Variants in MCF2L2 observed in about 807,000 individuals in gnomAD.
The protein encoded by MCF2L2 is probable guanine nucleotide exchange factor MCF2L2.
A neutral mutation model predicts 150.2 loss-of-function variants in MCF2L2; 102 were observed. That is an observed-to-expected ratio of 0.68 (90% CI 0.58 to 0.80). The LOEUF is 0.80. MCF2L2 is among the 30% of genes least tolerant of loss of function. The pLI, the probability that MCF2L2 is intolerant of heterozygous loss-of-function variation, is 0.00. For synonymous variants in MCF2L2, 465 were observed against 491.3 expected (o/e 0.95, Z 0.71); for missense variants, 1,256 against 1,372.8 (o/e 0.91, Z 1.34).
Position 183,268,753 on chromosome 3 carries a change from G to A in MCF2L2, c.1862+8119C>T, listed in dbSNP as rs764441668. 2.2e-4 allele frequency among the ~76,000 whole-genome samples: 33 copies of A among 152,112 alleles called. 1 individual carries two copies. The highest frequency in any genetic ancestry group is 1.2e-4 in the Non-Finnish European group (8 of 68,020). Reference sequence around the variant, plus strand: ...TTACCCCAATTTGTCAAATTTCTGCGCATGATATGGTACAAGAAACCGTAA... The same window carrying A: ...TTACCCCAATTTGTCAAATTTCTGCACATGATATGGTACAAGAAACCGTAA... On this transcript the variant is annotated intron_variant, in intron 15 of 29. Coordinates refer to ENST00000328913, the MANE Select transcript of MCF2L2 (RefSeq NM_015078.4).
rs114432512 is a variant in MCF2L2, at chr3:183,220,005, C to T, written c.2302-81G>A. On this transcript the variant is annotated intron_variant, in intron 20 of 29. Transcript: ENST00000328913. ...TAGATTGTCAACAAAATCTACTGTG[C>T]AAACTATCTGCCACCAATGCTAAGC... 3,848 of 973,328 alleles carry T rather than the reference C, an allele frequency of 4.0e-3. 100 individuals are homozygous for T. The African/African-American group carries it at 0.055, about 14-fold the overall frequency. The allele number at this position is 973,328 out of a possible 1,614,324, so 60.3% of individuals were successfully genotyped here. A position where few individuals can be genotyped will look rare whatever the true frequency, so the allele number is the denominator to read the frequency against.
chr3:183,353,464 TAA>T (rs1352568100), intron 3 of MCF2L2, among the ~76,000 whole-genome samples: 3 of 152,180 alleles, frequency 2.0e-5, no homozygotes, highest in Non-Finnish European at 4.4e-5. Context: ...ATTTATTTTT[TAA>T]AAAGAGTTTT....
chr3:183,428,313 C>G lies in MCF2L2; in HGVS notation c.-336G>C, dbSNP rs1716278460. On this transcript the variant is annotated 5_prime_UTR_variant, in exon 1 of 30. Transcript: ENST00000328913. This position sits in a 1 kb window ranked among gnomAD's most constrained non-coding sequence, Gnocchi z 5.1. ...GGGCGAGCTCCGGGGCTTCCAGAATCGCGGTCCCGGCCGCCAGGTTTCCGG... is the reference window on the plus strand; with the variant it reads ...GGGCGAGCTCCGGGGCTTCCAGAATGGCGGTCCCGGCCGCCAGGTTTCCGG... 1 of 297,682 alleles carries G rather than the reference C, an allele frequency of 3.4e-6. No homozygotes were observed. Among genetic ancestry groups the G allele is most frequent in the South Asian group, 3.7e-5 (1 of 26,720 alleles). 18.4% of individuals were successfully genotyped at this position (297,682 alleles called of 1,614,324 possible).
At chr3:183,215,205 C>G (rs1253061454) in intron 22 of MCF2L2, among the ~76,000 whole-genome samples, 1 of 152,034 alleles carries the variant, frequency 6.6e-6, no homozygotes, top group Admixed American at 6.6e-5. Context: ...CTTGGAACTT[C>G]AAAATAATAA....
chr3:183,408,395 T>C (rs1715151085), intron 1 of MCF2L2, among the ~76,000 whole-genome samples: 1 of 152,218 alleles, frequency 6.6e-6, no homozygotes, highest in South Asian at 2.1e-4. Flanking sequence ...AGGACATTCC[T>C]TCATTCCTCC....
chr3:183,331,851 A>G (rs906274632), intron 5 of MCF2L2, among the ~76,000 whole-genome samples: 5 of 152,174 alleles, frequency 3.3e-5, no homozygotes. Context: ...AGCAAGACAC[A>G]GTTTCAAACA....
intron 10 of MCF2L2, among the ~76,000 whole-genome samples, chr3:183,303,931 C>T (rs922456330): frequency 6.6e-6 from 1 of 152,124 alleles, no homozygotes; most frequent in Non-Finnish European, 1.5e-5. Context: ...TCCTCTTCCA[C>T]TTCCTCAACT....
chr3:183,311,912 C>G, intron 7 of MCF2L2, 140 bp from the exon 8 acceptor site: 1 of 697,900 alleles, frequency 1.4e-6, no homozygotes, highest in Non-Finnish European at 2.3e-6. Flanking sequence ...CAGCTTTAAT[C>G]AATTAACTTA....
intron 15 of MCF2L2, among the ~76,000 whole-genome samples, chr3:183,244,211 A>G (rs1473178390): frequency 6.6e-6 from 1 of 152,074 alleles, no homozygotes; most frequent in Non-Finnish European, 1.5e-5. Context: ...TGATTAAAAA[A>G]AAAAAACAGG....
At chr3:183,311,847 TAGTAGATC>T in intron 7 of MCF2L2, 75 bp from the exon 8 acceptor site, 4 of 1,328,536 alleles carry the variant, frequency 3.0e-6, no homozygotes, top group Non-Finnish European at 4.1e-6. Context: ...GTGAAGAGAA[TAGTAGATC>T]AGTACATTTT....
At chr3:183,189,521 T>G (rs557775303) in intron 27 of MCF2L2, among the ~76,000 whole-genome samples, 60 of 152,306 alleles carry the variant, frequency 3.9e-4, no homozygotes, top group Admixed American at 8.5e-4. Flanking sequence ...TCTCACCTTC[T>G]TCCCTTCCCC....
chr3:183,244,412 G>T (rs1196231708), intron 15 of MCF2L2, among the ~76,000 whole-genome samples: 1 of 152,138 alleles, frequency 6.6e-6, no homozygotes. Context: ...TTGGGACTCA[G>T]ACTGGCTTCC....
intron 3 of MCF2L2, among the ~76,000 whole-genome samples, chr3:183,365,142 C>A (rs890822388): frequency 1.3e-5 from 2 of 152,050 alleles, no homozygotes; most frequent in African/African-American, 4.8e-5. Context: ...AATAAAAGTA[C>A]AAAACTATGT....
At chr3:183,367,963 T>C (rs1457396031) in intron 3 of MCF2L2, among the ~76,000 whole-genome samples, 5 of 152,200 alleles carry the variant, frequency 3.3e-5, no homozygotes, top group Admixed American at 1.3e-4. Flanking sequence ...ATTTGAAAAC[T>C]GCATGACATG....
intron 1 of MCF2L2, among the ~76,000 whole-genome samples, chr3:183,407,704 T>A (rs530828500): frequency 6.6e-6 from 1 of 152,230 alleles, no homozygotes; most frequent in South Asian, 2.1e-4. Flanking sequence ...AGTGGAATTT[T>A]CCTTCTCATT....
At chr3:183,228,982 G>C (rs1723452248) in intron 17 of MCF2L2, among the ~76,000 whole-genome samples, 1 of 152,090 alleles carries the variant, frequency 6.6e-6, no homozygotes, top group Admixed American at 6.5e-5. Context: ...CAACAGAAAT[G>C]GGTTTCCATT....
intron 13 of MCF2L2, among the ~76,000 whole-genome samples, chr3:183,292,679 T>C (rs1467659105): frequency 1.3e-5 from 2 of 152,036 alleles, no homozygotes; most frequent in East Asian, 1.9e-4. Context: ...TTAACATATA[T>C]AGATGTGATA....
chr3:183,234,687 C>CTTTTTTT (rs71185647), intron 15 of MCF2L2, among the ~76,000 whole-genome samples: 153 of 84,178 alleles, frequency 1.8e-3, no homozygotes, highest in African/African-American at 5.2e-3. Flanking sequence ...ATGTATGACT[C>CTTTTTTT]TTTTTTTTTT....
chr3:183,219,930 T>G lies in MCF2L2; in HGVS notation c.2302-6A>C, dbSNP rs753414586. ...GACTCGAAATCCAGCAGACCCTGCA[T>G]TAACCCAAAAGTCTTGTTGAAAATT... is the stretch of plus-strand genomic sequence containing the variant. On this transcript the variant is annotated splice_polypyrimidine_tract_variant and splice_region_variant and intron_variant, in intron 20 of 29. Transcript: ENST00000328913. The G allele has an allele frequency of 6.2e-7, 1 of 1,608,800 alleles. No individual in the cohort carries two copies. The highest frequency in any genetic ancestry group is 1.7e-5 in the Admixed American group (1 of 59,624).
Sources: allele counts gnomAD v4.1 joint callset (sites outside exome capture counted in the v4.1 genomes callset), GRCh38; gene constraint gnomAD v4.1.1; non-coding constraint Gnocchi (gnomAD v3.1); transcripts MANE v1.5; gene names NCBI Gene and HGNC (gene_info 2026-07-23, HGNC 2026-07-21).